CASZ1: variants seen among roughly 807,000 people sequenced by gnomAD.
CASZ1 encodes zinc finger protein castor homolog 1.
In CASZ1, 28 loss-of-function variants were observed where a neutral mutation model predicts 135.2. The observed-to-expected ratio is 0.21, with a 90% CI of 0.15 to 0.28. The LOEUF (loss-of-function observed/expected upper bound fraction) is 0.28. CASZ1 is among the 10% of genes least tolerant of loss of function. CASZ1 has a pLI of 1.00. For missense variants in CASZ1, 2,161 were observed against 2,453.3 expected (o/e 0.88, Z 2.52); for synonymous variants, 1,068 against 1,073.4 (o/e 0.99, Z 0.10).
chr1:10,788,406 T>C lies in CASZ1; in HGVS notation c.-234+8158A>G, dbSNP rs1415782800. Among the ~76,000 whole-genome samples, 2 of 152,034 alleles carry C rather than the reference T, an allele frequency of 1.3e-5. No individual in the cohort carries two copies. Among genetic ancestry groups the C allele is most frequent in the Admixed American group, 1.3e-4 (2 of 15,280 alleles). ...TGCCCCCCTGCCTCATCCTGGAGAA[T>C]TGGAAAGAAGCCCACCAGAGCAGGG... On this transcript the variant is annotated intron_variant, in intron 1 of 20. Coordinates refer to ENST00000377022, the MANE Select transcript of CASZ1 (RefSeq NM_001079843.3). This position sits in a 1 kb window ranked among gnomAD's most constrained non-coding sequence, Gnocchi z 4.1.
At position 10,653,887 on chromosome 1, in the gene CASZ1, C is replaced by A; in HGVS notation, c.2170G>T (p.Asp724Tyr). 1 of 1,613,326 alleles carries A rather than the reference C, an allele frequency of 6.2e-7. No individual in the cohort carries two copies. Among genetic ancestry groups the A allele is most frequent in the Non-Finnish European group, 8.5e-7 (1 of 1,179,578 alleles). ...CTCAGGGCGGAGAAGTCAACAAGGTCGTCGTTGCTGGACTCCTCGTGCTCC... is the reference window on the plus strand; with the variant it reads ...CTCAGGGCGGAGAAGTCAACAAGGTAGTCGTTGCTGGACTCCTCGTGCTCC... The part of the protein sequence containing the change: ...DTEHEESSND[D>Y]LVDFSALSSK... The change falls in exon 11 of 21, where the codon GAC becomes TAC. Residue 724 changes from aspartate to tyrosine, a missense_variant. Coordinates refer to ENST00000377022, the MANE Select transcript of CASZ1 (RefSeq NM_001079843.3).
intron 5 of CASZ1, among the ~76,000 whole-genome samples, chr1:10,663,573 C>T (rs1003872320): frequency 2.0e-5 from 3 of 152,184 alleles, no homozygotes; most frequent in Non-Finnish European, 4.4e-5. Flanking sequence ...GCTGAGCCCT[C>T]GCTATATATG....
intron 11 of CASZ1, 168 bp downstream of exon 11, chr1:10,653,209 A>C (rs763416204): frequency 1.8e-5 from 14 of 759,852 alleles, no homozygotes; most frequent in Non-Finnish European, 2.4e-5. Flanking sequence ...CCCCACATAG[A>C]AACCAACAGG....
rs188880978 is a variant in CASZ1 at position 10,725,873 on chromosome 1, G to A, written c.-76-20329C>T. On this transcript the variant is annotated intron_variant, in intron 2 of 20. Transcript: ENST00000377022. This position sits in a 1 kb window ranked among gnomAD's most constrained non-coding sequence, Gnocchi z 4.4. ...AAGAGAGTCATTGAGGGGGCCAGAG[G>A]GCCTGCCGAATGTTCTAGAAGGATG... Among the ~76,000 whole-genome samples the A allele has an allele frequency of 7.0e-4, 106 of 152,260 alleles. No individual in the cohort carries two copies. The highest frequency in any genetic ancestry group is 2.5e-3 in the African/African-American group (104 of 41,538).
At chr1:10,748,638 C>T (rs965078596) in intron 2 of CASZ1, among the ~76,000 whole-genome samples, 2 of 152,158 alleles carry the variant, frequency 1.3e-5, no homozygotes, top group South Asian at 2.1e-4. Context: ...GTCAGCTCCC[C>T]GACCTGACCA....
At chr1:10,740,960 C>CAAAAAAAG (rs1639906589) in intron 2 of CASZ1, among the ~76,000 whole-genome samples, 1 of 61,462 alleles carries the variant, frequency 1.6e-5, no homozygotes, top group Admixed American at 2.2e-4. Flanking sequence ...CCTGTCTGGA[C>CAAAAAAAG]AAAAAAAAAA....
Position 10,717,784 on chromosome 1 carries a change from C to T in CASZ1, c.-76-12240G>A, listed in dbSNP as rs911662351. Among the ~76,000 whole-genome samples, 10 of 152,030 alleles carry T rather than the reference C, an allele frequency of 6.6e-5. No individual in the cohort carries two copies. Among genetic ancestry groups the T allele is most frequent in the African/African-American group, 1.9e-4 (8 of 41,366 alleles). On this transcript the variant is annotated intron_variant, in intron 2 of 20. Coordinates refer to ENST00000377022, the MANE Select transcript of CASZ1 (RefSeq NM_001079843.3). This position sits in a 1 kb window ranked among gnomAD's most constrained non-coding sequence, Gnocchi z 4.6. ...GGCTTCCTGACCCAACTCTGGAAGC[C>T]GAAGGGAGCTATGAATAGAGACGTC... is the stretch of plus-strand genomic sequence containing the variant.
At chr1:10,753,459 A>G (rs1640186000) in intron 2 of CASZ1, among the ~76,000 whole-genome samples, 1 of 152,212 alleles carries the variant, frequency 6.6e-6, no homozygotes, top group African/African-American at 2.4e-5. Flanking sequence ...CATGTCCCCA[A>G]GGAGCACAGG....
At chr1:10,652,944 G>T in intron 11 of CASZ1, 1 of 245,702 alleles carries the variant, frequency 4.1e-6, no homozygotes, top group South Asian at 4.3e-5. Flanking sequence ...GGTGTGAGGT[G>T]CAGCCCCACT....
rs1004256227 is a variant in CASZ1, at chr1:10,666,809, G to T, written c.17-1238C>A. ...GACACACACACACGCACACACACGC[G>T]TGCACACACAGCGCAGCCACATGGA... is the stretch of plus-strand genomic sequence containing the variant. On this transcript the variant is annotated intron_variant, in intron 4 of 20. Transcript: ENST00000377022. This position sits in a 1 kb window ranked among gnomAD's most constrained non-coding sequence, Gnocchi z 5.2. 5.3e-5 allele frequency among the ~76,000 whole-genome samples: 8 copies of T among 152,302 alleles called. No individual in the cohort carries two copies. In the East Asian group the frequency reaches 5.8e-4, roughly 11 times the overall value.
chr1:10,639,560 G>A lies in CASZ1; in HGVS notation c.4662C>T (p.Ser1554=), dbSNP rs1042882718. The change falls in exon 21 of 21, where the codon AGC becomes AGT. Residue 1554 remains serine (S), a synonymous_variant. Coordinates refer to ENST00000377022, the MANE Select transcript of CASZ1 (RefSeq NM_001079843.3). The surrounding 1 kb of genome is among the most constrained non-coding windows in gnomAD (Gnocchi z 4.0). ...SAAGFCQFSS[S]ADCAVPDCKY... The stretch of plus-strand genomic sequence containing the variant: ...TGCAGTCGGGCACGGCGCAGTCGGC[G>A]CTGGAGCTGAACTGGCAGAAGCCCG... 3.7e-6 allele frequency: 6 copies of A among 1,611,132 alleles called. No individual in the cohort carries two copies. The highest frequency in any genetic ancestry group is 1.6e-4 in the Middle Eastern group (1 of 6,072).
Position 10,665,356 on chromosome 1 carries a change from G to T in CASZ1, c.232C>A (p.Arg78Ser), listed in dbSNP as rs183516103. 8.1e-5 allele frequency: 130 copies of T among 1,610,400 alleles called. 1 individual carries two copies. Among genetic ancestry groups the T allele is most frequent in the Admixed American group, 3.0e-4 (18 of 59,802 alleles). ...GCCCGTCTCTTGTCTTCCTCGCTGCGGGGGGCCCGGGCTGCCCCAGACTCA... is the reference window on the plus strand; with the variant it reads ...GCCCGTCTCTTGTCTTCCTCGCTGCTGGGGGCCCGGGCTGCCCCAGACTCA... ...GPESGAARAP[R>S]SEEDKRRAVI... Residue 78 changes from arginine to serine, a missense_variant, in exon 5 of 21, where the codon CGC (arginine) becomes AGC (serine). Physicochemically the swap from Arg to Ser is moderately radical, Grantham distance 110. Around this residue, in one of 7 missense-constraint regions of CASZ1, gnomAD observed 590 missense variants for 609.8 expected, o/e 0.97. Transcript: ENST00000377022.
intron 1 of CASZ1, among the ~76,000 whole-genome samples, chr1:10,785,034 T>G (rs200820230): frequency 2.7e-4 from 15 of 56,518 alleles, no homozygotes; most frequent in African/African-American, 3.4e-4. Flanking sequence ...TGTCTTTCTT[T>G]CTTGCTTGCT....
chr1:10,654,373 C>T (rs200268651), intron 10 of CASZ1, 46 bp downstream of exon 10: 6 of 1,598,760 alleles, frequency 3.8e-6, no homozygotes, highest in Non-Finnish European at 5.1e-6. Flanking sequence ...CCTTGCCTTC[C>T]CTCCCCGCTT....
In CASZ1 at chr1:10,666,013, C is replaced by T. The variant is rs1272719200; in HGVS notation, c.17-442G>A. On this transcript the variant is annotated intron_variant, in intron 4 of 20. Transcript: ENST00000377022. This position sits in a 1 kb window ranked among gnomAD's most constrained non-coding sequence, Gnocchi z 5.2. ...GCTGTCAAGGGACAGCGTGGCATTC[C>T]TGGCAGCTTGTTCCGCTTGGGAGCG... 6.6e-6 allele frequency among the ~76,000 whole-genome samples: 1 copy of T among 152,162 alleles called. No homozygotes were observed. The highest frequency in any genetic ancestry group is 1.5e-5 in the Non-Finnish European group (1 of 68,022).
In CASZ1 at chr1:10,679,183, G is replaced by T. The variant is rs541006361; in HGVS notation, c.17-13612C>A. 3.5e-4 allele frequency among the ~76,000 whole-genome samples: 53 copies of T among 152,336 alleles called. No individual in the cohort carries two copies. Among genetic ancestry groups the T allele is most frequent in the Non-Finnish European group, 6.9e-4 (47 of 68,028 alleles). ...GGCTGGCACAGAGCTCTCCGCCAGG[G>T]CCTGCTGCTTTTGATGAAAGCATAG... On this transcript the variant is annotated intron_variant, in intron 4 of 20. Transcript: ENST00000377022. The surrounding 1 kb of genome is among the most constrained non-coding windows in gnomAD (Gnocchi z 4.7).
rs1638351600 is a variant in CASZ1 at position 10,679,754 on chromosome 1, C to G, written c.16+14120G>C. On this transcript the variant is annotated intron_variant, in intron 4 of 20. Transcript: ENST00000377022. The surrounding 1 kb of genome is among the most constrained non-coding windows in gnomAD (Gnocchi z 4.7). ...ACTTCAGGTTTTCCATACTACAACC[C>G]CGAGTGTCACCACAGGGTCCGGCCC... Among the ~76,000 whole-genome samples, 1 of 152,230 alleles carries G rather than the reference C, an allele frequency of 6.6e-6. No individual in the cohort carries two copies. The highest frequency in any genetic ancestry group is 2.4e-5 in the African/African-American group (1 of 41,456).
intron 5 of CASZ1, among the ~76,000 whole-genome samples, chr1:10,662,188 ACT>A (rs1436149419): frequency 2.0e-5 from 3 of 151,722 alleles, no homozygotes; most frequent in African/African-American, 4.8e-5. Context: ...ATTCTCATAC[ACT>A]CTCATATCCC....
At chr1:10,670,512 G>A (rs1438468947) in intron 4 of CASZ1, among the ~76,000 whole-genome samples, 1 of 152,236 alleles carries the variant, frequency 6.6e-6, no homozygotes, top group Non-Finnish European at 1.5e-5. Context: ...GTTTTGGGGT[G>A]CTGTGCTGGT....
Sources: allele counts gnomAD v4.1 joint callset (sites outside exome capture counted in the v4.1 genomes callset), GRCh38; gene constraint gnomAD v4.1.1; regional missense constraint gnomAD v4.1.1; non-coding constraint Gnocchi (gnomAD v3.1); transcripts MANE v1.5; gene names NCBI Gene and HGNC (gene_info 2026-07-23, HGNC 2026-07-21).